Variants in PES1 observed in about 807,000 individuals in gnomAD.
PES1 encodes the protein pescadillo homolog.
In PES1, 31 loss-of-function variants were observed where a neutral mutation model predicts 77.1. The observed-to-expected ratio is 0.40, with a 90% CI of 0.30 to 0.54. The LOEUF (loss-of-function observed/expected upper bound fraction) is 0.54. PES1 is among the 20% of genes least tolerant of loss of function. The pLI is 0.45. For missense variants in PES1, 658 were observed against 771.7 expected, an observed-to-expected ratio of 0.85 and a Z score of 1.75; for synonymous variants, 282 against 303.0, an observed-to-expected ratio of 0.93 and a Z score of 0.72.
At chr22:30,601,467 C>T (rs191564975) in intron 2 of PES1, among the ~76,000 whole-genome samples, 21 of 152,182 alleles carry the variant, frequency 1.4e-4, no homozygotes, top group African/African-American at 4.3e-4. Flanking sequence ...TGTGAACCAC[C>T]ATGTTTGGCT....
At chr22:30,580,204 G>A (rs770369401) in intron 10 of PES1, 26 bp from the exon 11 acceptor site, 31 of 1,594,632 alleles carry the variant, frequency 1.9e-5, no homozygotes, top group African/African-American at 4.0e-5. Context: ...GAGCCCACAC[G>A]GGTACACAGA....
At chr22:30,579,659 G>T in intron 12 of PES1, 92 bp downstream of exon 12, 1 of 1,265,228 alleles carries the variant, frequency 7.9e-7, no homozygotes, top group Non-Finnish European at 1.1e-6. Flanking sequence ...TGCTCCTACT[G>T]CCTGTTCCCT....
chr22:30,600,336 G>C (rs563032699), intron 2 of PES1, among the ~76,000 whole-genome samples: 2 of 152,182 alleles, frequency 1.3e-5, no homozygotes, highest in Admixed American at 6.5e-5. Context: ...CAGACTTCAG[G>C]GGGTAGGTTT....
In PES1 at chr22:30,584,699, A is replaced by G. The variant is rs1482664739; in HGVS notation, c.387T>C (p.Asp129=). The G allele has an allele frequency of 9.3e-6, 15 of 1,613,662 alleles. No homozygotes were observed. Among genetic ancestry groups the G allele is most frequent in the Middle Eastern group, 1.7e-4 (1 of 6,056 alleles). The change falls in exon 5 of 15, where the codon GAT becomes GAC. Residue 129 remains aspartate (D), a synonymous_variant. Transcript: ENST00000354694. ...GGGCATCGTCCAGGTCCCGCAGGGC[A>G]TCGATGAACGTGGGATACCTGCATG... ...IIKERYPTFI[D]ALRDLDDALS... is the part of the protein sequence containing the mutation.
chr22:30,590,578 A>G (rs4820869), intron 1 of PES1, among the ~76,000 whole-genome samples: 26,286 of 152,110 alleles, frequency 0.17, 2,380 homozygotes, highest in Middle Eastern at 0.19. Context: ...GTTTTCCATT[A>G]CCTTATGCCA....
intron 2 of PES1, among the ~76,000 whole-genome samples, chr22:30,600,538 C>A (rs1427142583): frequency 6.6e-6 from 1 of 152,062 alleles, no homozygotes; most frequent in African/African-American, 2.4e-5. Flanking sequence ...AAAATAAGGC[C>A]AGGTGTGGTG....
upstream of PES1, chr22:30,592,355 C>T (rs1029502364): frequency 8.1e-6 from 8 of 989,182 alleles, no homozygotes; most frequent in African/African-American, 1.2e-4. Context: ...GCGCTGAGTT[C>T]CCACCGGCTT....
chr22:30,601,301 C>G (rs567717072), intron 2 of PES1, among the ~76,000 whole-genome samples: 1 of 152,104 alleles, frequency 6.6e-6, no homozygotes, highest in Non-Finnish European at 1.5e-5. Flanking sequence ...TGCTTTTTGC[C>G]AACGATTATT....
rs1374533123 is a variant in PES1 at position 30,580,193 on chromosome 22, A to AGAGCC, written c.1044-20_1044-16dup. 6.2e-7 allele frequency: 1 copy of AGAGCC among 1,606,802 alleles called. No homozygotes were observed. Among genetic ancestry groups the AGAGCC allele is most frequent in the Non-Finnish European group, 8.5e-7 (1 of 1,176,372 alleles). On this transcript the variant is annotated splice_polypyrimidine_tract_variant and intron_variant, in intron 10 of 14. Coordinates refer to ENST00000354694, the MANE Select transcript of PES1 (RefSeq NM_014303.4). ...CACCAAAACTCCTACAGGGACAGGG[A>AGAGCC]GAGCCCACACGGGTACACAGACATG...
intron 2 of PES1, among the ~76,000 whole-genome samples, chr22:30,602,879 T>C (rs935020441): frequency 2.0e-5 from 3 of 150,758 alleles, no homozygotes; most frequent in East Asian, 1.9e-4. Flanking sequence ...ACACTAATAG[T>C]GTCTTGCTAT....
rs988162244 is a variant in PES1, at chr22:30,604,299, A to G, written c.-661+1162T>C. ...ATAAATAATCAGTAAAAAAAGTAGT[A>G]GTCACCCAAATAGCTGTAGCATGCA... On this transcript the variant is annotated intron_variant, in intron 2 of 16. Transcript: ENST00000402281. 5.9e-5 allele frequency among the ~76,000 whole-genome samples: 9 copies of G among 152,178 alleles called. No individual in the cohort carries two copies. In the South Asian group the frequency reaches 6.2e-4, roughly 11 times the overall value.
intron 2 of PES1, among the ~76,000 whole-genome samples, chr22:30,599,903 CAAA>C: frequency 6.6e-6 from 1 of 150,690 alleles, no homozygotes; most frequent in East Asian, 1.9e-4. Context: ...CATCTCAAAA[CAAA>C]AAGAAAATGA....
Position 30,576,900 on chromosome 22 carries a change from C to T in PES1, c.*146G>A. ...GGGAAGCGAGGGCTGCCCACTGGCC[C>T]AGCCAGAGAGCATGAGGGGTCAGGG... On this transcript the variant is annotated 3_prime_UTR_variant, in exon 15 of 15. Coordinates refer to ENST00000354694, the MANE Select transcript of PES1 (RefSeq NM_014303.4). 1.4e-6 allele frequency: 1 copy of T among 708,578 alleles called. No homozygotes were observed. The highest frequency in any genetic ancestry group is 2.6e-5 in the East Asian group (1 of 38,396). 43.9% of individuals were successfully genotyped at this position (708,578 alleles called of 1,614,324 possible).
chr22:30,582,028 C>CA (rs1363908062), intron 6 of PES1, among the ~76,000 whole-genome samples: 1 of 152,230 alleles, frequency 6.6e-6, no homozygotes, highest in Admixed American at 6.5e-5. Flanking sequence ...CTCGGACAGA[C>CA]CACTTTCCGA....
intron 2 of PES1, among the ~76,000 whole-genome samples, chr22:30,604,292 AAGT>A (rs2145522472): frequency 6.6e-6 from 1 of 152,290 alleles, no homozygotes; most frequent in South Asian, 2.1e-4. Context: ...TCAGTAAAAA[AAGT>A]AGTAGTCACC....
upstream of PES1, among the ~76,000 whole-genome samples, chr22:30,593,769 C>A (rs139408527): frequency 6.8e-6 from 1 of 147,006 alleles, no homozygotes; most frequent in African/African-American, 2.5e-5. Context: ...TCAAAATAGC[C>A]GTCATATAGG....
rs60067454 is a variant in PES1, at chr22:30,602,438, C to CTTTTTTTTT, written c.-661+3014_-661+3022dup. 3.7e-4 allele frequency among the ~76,000 whole-genome samples: 53 copies of CTTTTTTTTT among 142,722 alleles called. 3 individuals are homozygous for CTTTTTTTTT. Among genetic ancestry groups the CTTTTTTTTT allele is most frequent in the Non-Finnish European group, 4.4e-4 (29 of 65,734 alleles). The allele number at this position is 142,722 out of a possible 152,430, so 93.6% of individuals were successfully genotyped here. A position where few individuals can be genotyped will look rare whatever the true frequency, so the allele number is the denominator to read the frequency against. The stretch of plus-strand genomic sequence containing the variant: ...CTTTATAGCAGTGTGAAAACTAATA[C>CTTTTTTTTT]TTTTTTTTTTTTGACACAAGAGTTC... On this transcript the variant is annotated intron_variant, in intron 2 of 16. Coordinates refer to the PES1 transcript ENST00000402281.
chr22:30,593,867 T>A (rs763965634), upstream of PES1, among the ~76,000 whole-genome samples: 4 of 152,226 alleles, frequency 2.6e-5, no homozygotes, highest in Non-Finnish European at 4.4e-5. Context: ...GCAGAATAGA[T>A]TCTCACCAAG....
At chr22:30,579,346 G>C (rs370942518) in intron 12 of PES1, 43 bp from the exon 13 acceptor site, 255 of 1,599,010 alleles carry the variant, frequency 1.6e-4, no homozygotes, top group Non-Finnish European at 2.1e-4. Flanking sequence ...GGAATCTACT[G>C]TCTCTCTGGC....
Sources: gnomAD v4.1 joint callset for allele counts (sites outside exome capture counted in the v4.1 genomes callset) on GRCh38, gnomAD v4.1.1 for gene constraint, MANE v1.5 for transcripts, NCBI Gene and HGNC (gene_info 2026-07-23, HGNC 2026-07-21) for gene names.